MYO5A: variants seen among roughly 807,000 people sequenced by gnomAD.
MYO5A encodes myosin VA.
Under a neutral mutation model 249.7 loss-of-function variants are expected in MYO5A, and 98 were observed. The observed-to-expected ratio is 0.39, with a 90% CI of 0.33 to 0.46. The LOEUF (loss-of-function observed/expected upper bound fraction) is 0.46. MYO5A is among the 20% of genes least tolerant of loss of function. The pLI, the probability that MYO5A is intolerant of heterozygous loss-of-function variation, is 0.98. For synonymous variants in MYO5A, 778 were observed against 810.6 expected, an observed-to-expected ratio of 0.96 and a Z score of 0.68; for missense variants, 1,696 against 2,308.8, an observed-to-expected ratio of 0.73 and a Z score of 5.44.
Position 52,323,354 on chromosome 15 carries a change from C to G in MYO5A, c.4800+1G>C. ...TGGTTTTGTAATCAAGGTTTTCTCA[C>G]CTCTTCTCCACTGTACTGTTTCAAG... On this transcript the variant is annotated splice_donor_variant, in intron 37 of 41. Coordinates refer to ENST00000399233, the MANE Select transcript of MYO5A (RefSeq NM_001382347.1). LOFTEE classifies it high-confidence loss of function. 1.2e-6 allele frequency: 2 copies of G among 1,610,522 alleles called. No homozygotes were observed. The highest frequency in any genetic ancestry group is 1.7e-6 in the Non-Finnish European group (2 of 1,176,872).
chr15:52,325,438 C>G (rs1328969543), intron 36 of MYO5A, among the ~76,000 whole-genome samples: 1 of 146,768 alleles, frequency 6.8e-6, no homozygotes, highest in East Asian at 2.0e-4. Flanking sequence ...GACAGAGACT[C>G]TTGCCCAGGC....
At chr15:52,494,993 T>C (rs536089375) in intron 1 of MYO5A, among the ~76,000 whole-genome samples, 1 of 152,338 alleles carries the variant, frequency 6.6e-6, no homozygotes, top group South Asian at 2.1e-4. Context: ...TTCTACTATC[T>C]ACAAGTTTCA....
chr15:52,402,029 T>C (rs2042781446), intron 9 of MYO5A, among the ~76,000 whole-genome samples: 1 of 152,198 alleles, frequency 6.6e-6, no homozygotes. Flanking sequence ...ACTTGTGATT[T>C]TTGACTGTGA....
chr15:52,483,273 C>A (rs1019589364), intron 1 of MYO5A, among the ~76,000 whole-genome samples: 1 of 152,194 alleles, frequency 6.6e-6, no homozygotes, highest in South Asian at 2.1e-4. Flanking sequence ...AAGGCCCTTA[C>A]GAGTGAGCCA....
rs1252581275 is a variant in MYO5A at position 52,311,314 on chromosome 15, C to T, written c.*2382G>A. 2 of 152,210 alleles carry T rather than the reference C, an allele frequency of 1.3e-5. No homozygotes were observed. The highest frequency in any genetic ancestry group is 2.9e-5 in the Non-Finnish European group (2 of 68,062). 9.4% of individuals were successfully genotyped at this position (152,210 alleles called of 1,614,324 possible). A position where few individuals can be genotyped will look rare whatever the true frequency, so the allele number is the denominator to read the frequency against. On this transcript the variant is annotated 3_prime_UTR_variant, in exon 42 of 42. Transcript: ENST00000399233. ...CCAGGGCTGAGGCGGACAGCCTGTA[C>T]CACGTTGCATTTTCTTAGCAACTCC...
intron 24 of MYO5A, among the ~76,000 whole-genome samples, chr15:52,361,243 A>T (rs1313093805): frequency 6.6e-6 from 1 of 151,998 alleles, no homozygotes; most frequent in Non-Finnish European, 1.5e-5. Flanking sequence ...AGACACAGGC[A>T]CTCTTGCTTA....
intron 1 of MYO5A, among the ~76,000 whole-genome samples, chr15:52,511,112 G>C (rs1244386801): frequency 6.6e-6 from 1 of 152,164 alleles, no homozygotes; most frequent in Non-Finnish European, 1.5e-5. Context: ...ATTTTCCTGA[G>C]ACAAAGGCAC....
rs748559386 is a variant in MYO5A at position 52,384,180 on chromosome 15, T to C, written c.1895A>G (p.Lys632Arg). 8 of 1,614,170 alleles carry C rather than the reference T, an allele frequency of 5.0e-6. No individual in the cohort carries two copies. The highest frequency in any genetic ancestry group is 1.1e-5 in the South Asian group (1 of 91,078). ...GRPGQMAKEHKKTVGHQFRNS... is the reference protein window; with the variant it reads ...GRPGQMAKEHRKTVGHQFRNS... Reference sequence around the variant, plus strand: ...ACTCACCTGATGCCCCACTGTTTTCTTGTGCTCTTTGGCCATTTGGCCTGG... The same window carrying C: ...ACTCACCTGATGCCCCACTGTTTTCCTGTGCTCTTTGGCCATTTGGCCTGG... The change falls in exon 15 of 42, where the codon AAG (lysine) becomes AGG (arginine). Residue 632 changes from lysine (K) to arginine (R), a missense_variant. Physicochemically the swap from Lys to Arg is conservative, Grantham distance 26. This residue lies in a region of MYO5A where 277 missense variants were observed against 422.4 expected (regional missense o/e 0.66). Coordinates refer to ENST00000399233, the MANE Select transcript of MYO5A (RefSeq NM_001382347.1).
Position 52,450,843 on chromosome 15 carries a change from G to GTTTTTTT in MYO5A, c.28-17565_28-17559dup, listed in dbSNP as rs56842960. On this transcript the variant is annotated intron_variant, in intron 1 of 41. Transcript: ENST00000399233. Reference sequence around the variant, plus strand: ...CTTATGATTAGATTGCACTACTGTGGTTTTTTTTTTTTTTTTTTTTTTGTG... The same window carrying GTTTTTTT: ...CTTATGATTAGATTGCACTACTGTGGTTTTTTTTTTTTTTTTTTTTTTTTTTTTTGTG... Among the ~76,000 whole-genome samples, 41 of 84,564 alleles carry GTTTTTTT rather than the reference G, an allele frequency of 4.8e-4. 1 individual carries two copies. Among genetic ancestry groups the GTTTTTTT allele is most frequent in the African/African-American group, 1.6e-3 (32 of 20,090 alleles). 55.5% of individuals were successfully genotyped at this position (84,564 alleles called of 152,430 possible).
chr15:52,444,048 T>G (rs1227842389), intron 1 of MYO5A, among the ~76,000 whole-genome samples: 1 of 152,140 alleles, frequency 6.6e-6, no homozygotes, highest in African/African-American at 2.4e-5. Flanking sequence ...CATTTTAAAT[T>G]TAGGAAGAAA....
At chr15:52,434,506 G>A (rs1015329578) in intron 1 of MYO5A, among the ~76,000 whole-genome samples, 1 of 152,168 alleles carries the variant, frequency 6.6e-6, no homozygotes, top group Admixed American at 6.5e-5. Context: ...GGCACAGCCA[G>A]TCACTAATAA....
intron 5 of MYO5A, among the ~76,000 whole-genome samples, chr15:52,411,233 T>G (rs897861886): frequency 2.6e-5 from 4 of 152,358 alleles, no homozygotes; most frequent in Non-Finnish European, 5.9e-5. Context: ...AATGCTGCTC[T>G]GGTGTTCAGG....
intron 2 of MYO5A, among the ~76,000 whole-genome samples, chr15:52,430,799 T>C (rs1364550766): frequency 1.3e-5 from 2 of 152,146 alleles, no homozygotes; most frequent in Non-Finnish European, 2.9e-5. Flanking sequence ...ATGTCTATAA[T>C]GAATAAGTAA....
Position 52,366,471 on chromosome 15 carries a change from A to G in MYO5A, c.3160+560T>C, listed in dbSNP as rs950374454. Among the ~76,000 whole-genome samples, 15 of 152,008 alleles carry G rather than the reference A, an allele frequency of 9.9e-5. 1 individual carries two copies. Among genetic ancestry groups the G allele is most frequent in the Admixed American group, 6.6e-4 (10 of 15,250 alleles). On this transcript the variant is annotated intron_variant, in intron 23 of 41. Coordinates refer to ENST00000399233, the MANE Select transcript of MYO5A (RefSeq NM_001382347.1). ...GTATCTTCTTACCCCATATTTATAT[A>G]TATGTGGATTCCTTATAAACTTATC... is the stretch of plus-strand genomic sequence containing the variant.
intron 9 of MYO5A, among the ~76,000 whole-genome samples, chr15:52,401,763 C>A (rs1299271924): frequency 6.6e-6 from 1 of 152,180 alleles, no homozygotes; most frequent in Non-Finnish European, 1.5e-5. Flanking sequence ...TCTCTCTTCT[C>A]TCCTTTATGA....
At chr15:52,466,907 C>T (rs1358270112) in intron 1 of MYO5A, among the ~76,000 whole-genome samples, 1 of 152,188 alleles carries the variant, frequency 6.6e-6, no homozygotes, top group Non-Finnish European at 1.5e-5. Flanking sequence ...CCCTATCACC[C>T]ATGACATCAC....
rs560999001 is a variant in MYO5A, at chr15:52,340,440, T to C, written c.4041-46A>G. The C allele has an allele frequency of 3.1e-4, 482 of 1,569,290 alleles. 8 individuals are homozygous for C. In the South Asian group the frequency reaches 5.0e-3, roughly 16 times the overall value. On this transcript the variant is annotated intron_variant, in intron 31 of 41. Coordinates refer to ENST00000399233, the MANE Select transcript of MYO5A (RefSeq NM_001382347.1). ...TCGGAAGGGGAGACGACACCCCGAG[T>C]TGCTGCCTAACGGGTGTAAGGCATC... is the stretch of plus-strand genomic sequence containing the variant.
chr15:52,355,245 A>G (rs2040159642), intron 25 of MYO5A, among the ~76,000 whole-genome samples: 1 of 152,228 alleles, frequency 6.6e-6, no homozygotes, highest in African/African-American at 2.4e-5. Context: ...TCAGCCCTCC[A>G]TATCCTTGGG....
At chr15:52,465,584 G>C (rs1380833568) in intron 1 of MYO5A, among the ~76,000 whole-genome samples, 1 of 152,066 alleles carries the variant, frequency 6.6e-6, no homozygotes, top group Non-Finnish European at 1.5e-5. Flanking sequence ...TTGAATTCAG[G>C]AATTCGAAAG....
Sources: allele counts gnomAD v4.1 joint callset (sites outside exome capture counted in the v4.1 genomes callset), GRCh38; gene constraint gnomAD v4.1.1; regional missense constraint gnomAD v4.1.1; transcripts MANE v1.5; gene names NCBI Gene and HGNC (gene_info 2026-07-23, HGNC 2026-07-21).